FUS: variants seen among roughly 807,000 people sequenced by gnomAD.
The protein encoded by FUS is FUS RNA binding protein.
FUS carries 5 observed loss-of-function variants against 82.7 expected under a neutral mutation model. The ratio of observed to expected loss-of-function variants is 0.06; its 90% confidence interval spans 0.03 to 0.13. FUS has a LOEUF of 0.13. FUS is among the 10% of genes least tolerant of loss of function. The probability of loss-of-function intolerance (pLI) is 1.00; values close to 1 mark genes in which losing one functional copy is unlikely to be tolerated. For missense variants in FUS, 512 were observed against 707.8 expected (o/e 0.72, Z 3.14); for synonymous variants, 281 against 247.4 (o/e 1.14, Z -1.27).
At chr16:31,194,843 A>C (rs1301867930), downstream of FUS, 1 of 476,796 alleles carries the variant, frequency 2.1e-6, no homozygotes, top group Non-Finnish European at 4.2e-6. Flanking sequence ...AAAAACAAAA[A>C]ATGATTGACT....
intron 7 of FUS, 88 bp from the exon 8 acceptor site, chr16:31,188,237 T>A: frequency 7.1e-7 from 1 of 1,406,222 alleles, no homozygotes; most frequent in South Asian, 1.2e-5. Flanking sequence ...GTTAATTTTT[T>A]TCCTTGTCCG....
At chr16:31,185,212 G>A in intron 6 of FUS, 33 bp downstream of exon 6, 1 of 1,580,232 alleles carries the variant, frequency 6.3e-7, no homozygotes, top group Non-Finnish European at 8.6e-7. Flanking sequence ...AGTATCTTTG[G>A]TGGGGAGTGT....
chr16:31,192,291 TAAG>T (rs1380789950), downstream of FUS: 1 of 526,892 alleles, frequency 1.9e-6, no homozygotes, highest in South Asian at 1.5e-5. Context: ...TGATAAGTGA[TAAG>T]AGGGGGAAGG....
At position 31,183,913 on chromosome 16, in the gene FUS, C is replaced by T. The variant is rs769718097; in HGVS notation, c.246C>T (p.Gly82=). Residue 82 remains glycine, a synonymous_variant, in exon 4 of 15, where the codon GGC becomes GGT. Coordinates refer to ENST00000254108, the MANE Select transcript of FUS (RefSeq NM_004960.4). ...PQGYGSTGGY[G]SSQSSQSSYG... ...GATATGGCTCGACTGGCGGCTATGG[C>T]AGTAGCCAGAGCTCCCAATCGTCTT... 7 of 1,614,010 alleles carry T rather than the reference C, an allele frequency of 4.3e-6. No individual in the cohort carries two copies. Among genetic ancestry groups the T allele is most frequent in the South Asian group, 3.3e-5 (3 of 91,090 alleles).
intron 8 of FUS, 91 bp downstream of exon 8, chr16:31,188,448 G>GA (rs2079304402): frequency 2.9e-6 from 4 of 1,360,512 alleles, no homozygotes; most frequent in Middle Eastern, 1.8e-4. Context: ...AAAGGAAACT[G>GA]AAAAAAATGG....
intron 3 of FUS, 110 bp from the exon 4 acceptor site, chr16:31,183,748 C>T (rs2079215780): frequency 2.2e-6 from 3 of 1,364,776 alleles, no homozygotes; most frequent in Non-Finnish European, 3.1e-6. Context: ...TCACTAACAG[C>T]TTCTGAGAGG....
At chr16:31,182,277 C>T (rs1040947135) in intron 1 of FUS, 121 bp from the exon 2 acceptor site, 19 of 1,172,616 alleles carry the variant, frequency 1.6e-5, no homozygotes, top group Non-Finnish European at 2.3e-5. Context: ...AGGCATGATC[C>T]ACCGTGCCTG....
At chr16:31,186,650 G>A (rs2079274850) in intron 6 of FUS, 152 bp from the exon 7 acceptor site, 1 of 716,920 alleles carries the variant, frequency 1.4e-6, no homozygotes, top group South Asian at 1.5e-5. Flanking sequence ...GGTCAGACAA[G>A]GGGTGGTCAG....
chr16:31,182,651 C>T lies in FUS; in HGVS notation c.177C>T (p.Gly59=), dbSNP rs752225285. Residue 59 remains glycine, a synonymous_variant, in exon 3 of 15, where the codon GGC becomes GGT. Coordinates refer to ENST00000254108, the MANE Select transcript of FUS (RefSeq NM_004960.4). ...GCCAGAGCAGCTATTCTTCTTATGG[C>T]CAGAGCCAGAACAGTGAGTCTTTCT... is the stretch of plus-strand genomic sequence containing the variant. The part of the protein sequence containing the change: ...GYGQSSYSSY[G]QSQNTGYGTQ... 3.1e-6 allele frequency: 5 copies of T among 1,614,082 alleles called. No homozygotes were observed. The highest frequency in any genetic ancestry group is 4.2e-6 in the Non-Finnish European group (5 of 1,180,034).
rs2079315314 is a variant in FUS at position 31,189,169 on chromosome 16, T to C, written c.879T>C (p.Gly293=). The change falls in exon 9 of 15, where the codon GGT becomes GGC. Residue 293 remains glycine, a synonymous_variant. Transcript: ENST00000254108. ...ACACCATCTTTGTGCAAGGCCTGGG[T>C]GAGAATGTTACAATTGAGTCTGTGG... ...DNNTIFVQGL[G]ENVTIESVAD... The C allele has an allele frequency of 6.2e-7, 1 of 1,613,986 alleles. No individual in the cohort carries two copies. The highest frequency in any genetic ancestry group is 2.2e-5 in the East Asian group (1 of 44,860).
At chr16:31,188,567 T>A in intron 8 of FUS, 1 of 629,322 alleles carries the variant, frequency 1.6e-6, no homozygotes, top group East Asian at 2.7e-5. Context: ...CCCAGTGATT[T>A]AGGTCTGAGA....
downstream of FUS, chr16:31,194,821 C>A (rs916035535): frequency 6.3e-6 from 3 of 478,728 alleles, no homozygotes; most frequent in Admixed American, 4.6e-5. Context: ...TGTGAATAAT[C>A]AGACCAAAAA....
chr16:31,189,875 T>C (rs887212547), intron 10 of FUS, 81 bp downstream of exon 10: 28 of 1,608,728 alleles, frequency 1.7e-5, no homozygotes, highest in Non-Finnish European at 2.2e-5. Flanking sequence ...GTTTGAGGGT[T>C]CTTTTGAGTC....
chr16:31,192,872 ATCC>A (rs1405710649), downstream of FUS: 1 of 485,222 alleles, frequency 2.1e-6, no homozygotes, highest in Non-Finnish European at 4.1e-6. Flanking sequence ...GCATCTGGCC[ATCC>A]TCTCAAATTT....
chr16:31,192,827 C>G, downstream of FUS: 1 of 482,888 alleles, frequency 2.1e-6, no homozygotes. Context: ...CTGCCTTGGC[C>G]TCCCAAAGTG....
chr16:31,189,526 A>T, intron 9 of FUS, 139 bp from the exon 10 acceptor site: 2 of 1,146,166 alleles, frequency 1.7e-6, no homozygotes, highest in Non-Finnish European at 2.6e-6. Flanking sequence ...ATGGAGGTTT[A>T]CATGTGAGGT....
downstream of FUS, chr16:31,193,064 G>C: frequency 4.1e-6 from 2 of 484,176 alleles, no homozygotes; most frequent in Non-Finnish European, 8.2e-6. Context: ...CTGGGTTCAA[G>C]CGATAGCTGG....
downstream of FUS, chr16:31,192,215 TTGACA>T (rs1437394215): frequency 7.6e-6 from 4 of 526,224 alleles, no homozygotes; most frequent in South Asian, 6.1e-5. Context: ...CTTGAGGTCA[TTGACA>T]TTATGAGATT....
At chr16:31,185,502 T>C (rs2079255747) in intron 6 of FUS, 1 of 596,120 alleles carries the variant, frequency 1.7e-6, no homozygotes, top group Non-Finnish European at 3.1e-6. Context: ...TGAAGACTTC[T>C]TTCTCTGCAA....
Sources: gnomAD v4.1 joint callset for allele counts on GRCh38, gnomAD v4.1.1 for gene constraint, MANE v1.5 for transcripts, NCBI Gene and HGNC (gene_info 2026-07-23, HGNC 2026-07-21) for gene names.